Variants in ADAM28 observed in about 807,000 individuals in gnomAD.
ADAM28 encodes ADAM metallopeptidase domain 28.
A neutral mutation model predicts 101.2 loss-of-function variants in ADAM28; 105 were observed. The ratio of observed to expected loss-of-function variants is 1.04; its 90% CI spans 0.89 to 1.22. ADAM28 has a LOEUF of 1.22. Ranked by LOEUF, ADAM28 falls within the 50% of genes most tolerant of loss-of-function variation. ADAM28 has a pLI of 0.00. For missense variants in ADAM28, 1,028 were observed against 945.4 expected, an observed-to-expected ratio of 1.09 and a Z score of -1.15; for synonymous variants, 322 against 310.6, an observed-to-expected ratio of 1.04 and a Z score of -0.39.
At chr8:24,334,208 G>A (rs1813719596) in intron 13 of ADAM28, among the ~76,000 whole-genome samples, 1 of 152,122 alleles carries the variant, frequency 6.6e-6, no homozygotes, top group South Asian at 2.1e-4. Context: ...GTGATTCAAT[G>A]GCCTTGTAGA....
At chr8:24,344,326 G>A (rs533014048) in intron 18 of ADAM28, among the ~76,000 whole-genome samples, 1 of 152,202 alleles carries the variant, frequency 6.6e-6, no homozygotes, top group South Asian at 2.1e-4. Context: ...TCTCATTGAC[G>A]CTCCCCTCTC....
chr8:24,315,046 A>G (rs993505059), intron 6 of ADAM28, among the ~76,000 whole-genome samples: 4 of 151,878 alleles, frequency 2.6e-5, no homozygotes, highest in Non-Finnish European at 5.9e-5. Flanking sequence ...AAAGAAATCT[A>G]TAAAACAAAA....
intron 1 of ADAM28, among the ~76,000 whole-genome samples, chr8:24,295,111 T>G (rs541339419): frequency 6.6e-6 from 1 of 152,316 alleles, no homozygotes; most frequent in East Asian, 1.9e-4. Context: ...CTCTTAGTAC[T>G]TTGTTGCTAA....
At chr8:24,298,850 A>T (rs1204510293) in intron 1 of ADAM28, among the ~76,000 whole-genome samples, 1 of 152,134 alleles carries the variant, frequency 6.6e-6, no homozygotes, top group Non-Finnish European at 1.5e-5. Flanking sequence ...TCAAAAAGAA[A>T]ATAGAAAATC....
intron 17 of ADAM28, 77 bp from the exon 18 acceptor site, chr8:24,343,429 A>T: frequency 6.9e-7 from 1 of 1,441,010 alleles, no homozygotes; most frequent in East Asian, 2.3e-5. Context: ...TTCTGCATGA[A>T]CTTTATTATG....
At position 24,355,582 on chromosome 8, in the gene ADAM28, C is replaced by T. The variant is rs1017176856; in HGVS notation, c.*1178C>T. The T allele has an allele frequency of 1.3e-5, 2 of 151,058 alleles. No individual in the cohort carries two copies. Among genetic ancestry groups the T allele is most frequent in the South Asian group, 2.1e-4 (1 of 4,742 alleles). The allele number at this position is 151,058 out of a possible 1,614,324, so 9.4% of individuals were successfully genotyped here. A position where few individuals can be genotyped will look rare whatever the true frequency, so the allele number is the denominator to read the frequency against. ...ACAACACTTCTGGAAAATTTTTCCT[C>T]GTCTCTTTTTCTGGATATGGGCATC... On this transcript the variant is annotated 3_prime_UTR_variant, in exon 23 of 23. Coordinates refer to ENST00000265769, the MANE Select transcript of ADAM28 (RefSeq NM_014265.6).
chr8:24,323,332 A>G (rs1812127564), intron 8 of ADAM28, among the ~76,000 whole-genome samples: 1 of 151,998 alleles, frequency 6.6e-6, no homozygotes, highest in Non-Finnish European at 1.5e-5. Context: ...TTTGGGGGAC[A>G]CAAACATTCA....
chr8:24,356,917 A>AAAAG lies in ADAM28; in HGVS notation c.*2518_*2521dup, dbSNP rs1816724264. 1 of 152,198 alleles carries AAAAG rather than the reference A, an allele frequency of 6.6e-6. No homozygotes were observed. Among genetic ancestry groups the AAAAG allele is most frequent in the African/African-American group, 2.4e-5 (1 of 41,458 alleles). The allele number at this position is 152,198 out of a possible 1,614,324, so 9.4% of individuals were successfully genotyped here. On this transcript the variant is annotated 3_prime_UTR_variant, in exon 23 of 23. Coordinates refer to ENST00000265769, the MANE Select transcript of ADAM28 (RefSeq NM_014265.6). ...TTTATAAAATAATGAAGTATGCATG[A>AAAAG]AAAGAAAGCAAATTTTAGTTGGTTG...
At position 24,336,038 on chromosome 8, in the gene ADAM28, G is replaced by A. The variant is rs192826505; in HGVS notation, c.1567+397G>A. 9.5e-5 allele frequency: 95 copies of A among 1,001,326 alleles called. No homozygotes were observed. The East Asian group carries it at 3.6e-3, about 38-fold the overall frequency. The allele number at this position is 1,001,326 out of a possible 1,614,324, so 62.0% of individuals were successfully genotyped here. A position where few individuals can be genotyped will look rare whatever the true frequency, so the allele number is the denominator to read the frequency against. On this transcript the variant is annotated intron_variant, in intron 14 of 22. Coordinates refer to ENST00000265769, the MANE Select transcript of ADAM28 (RefSeq NM_014265.6). ...AACCCTTGGAAATCTGTGTGTGTGC[G>A]GGTGTGTGTGTGTGTGTGTGTGCAG...
In ADAM28 at chr8:24,331,355, C is replaced by T. The variant is rs374235081; in HGVS notation, c.1281+28C>T. On this transcript the variant is annotated intron_variant, in intron 12 of 22. Coordinates refer to ENST00000265769, the MANE Select transcript of ADAM28 (RefSeq NM_014265.6). ...ATGGCCAATCACTTTCTAAAACGAT[C>T]TAGTTGGTTTTTCAGTTGCTAAGAA... is the stretch of plus-strand genomic sequence containing the variant. 115 of 1,565,334 alleles carry T rather than the reference C, an allele frequency of 7.3e-5. 1 individual carries two copies. In the African/African-American group the frequency reaches 1.5e-3, roughly 20 times the overall value.
intron 9 of ADAM28, chr8:24,325,070 C>A (rs1411211532): frequency 6.6e-6 from 1 of 151,906 alleles, no homozygotes; most frequent in African/African-American, 2.4e-5. Flanking sequence ...GCAGCCGACA[C>A]AATTTCTTAA....
At chr8:24,313,633 C>T in intron 6 of ADAM28, 53 bp downstream of exon 6, 1 of 1,551,816 alleles carries the variant, frequency 6.4e-7, no homozygotes. Context: ...GCCCTGGTTT[C>T]CAGAATTAGC....
rs576003114 is a variant in ADAM28, at chr8:24,343,091, T to G, written c.1831-10T>G. On this transcript the variant is annotated splice_polypyrimidine_tract_variant and intron_variant, in intron 16 of 22. Coordinates refer to ENST00000265769, the MANE Select transcript of ADAM28 (RefSeq NM_014265.6). ...AAGATGAAGCTTCATGTTTTCTACA[T>G]CACTTTCAGGTTTGCATTAATGCAG... 6.8e-6 allele frequency: 11 copies of G among 1,613,516 alleles called. No individual in the cohort carries two copies. The highest frequency in any genetic ancestry group is 1.3e-5 in the African/African-American group (1 of 74,890).
In ADAM28 at chr8:24,294,167, G is replaced by A; in HGVS notation, c.18G>A (p.Leu6=). Residue 6 remains leucine (L), a synonymous_variant, in exon 1 of 23, where the codon CTG becomes CTA. Transcript: ENST00000265769. ...CACCCAGCATGTTGCAAGGTCTCCT[G>A]CCAGTCAGTCTCCTCCTCTCTGTTG... is the stretch of plus-strand genomic sequence containing the variant. MLQGL[L]PVSLLLSVAV... 1 of 1,614,136 alleles carries A rather than the reference G, an allele frequency of 6.2e-7. No individual in the cohort carries two copies. The highest frequency in any genetic ancestry group is 8.5e-7 in the Non-Finnish European group (1 of 1,180,004).
chr8:24,295,469 GT>G (rs33942623), intron 1 of ADAM28, among the ~76,000 whole-genome samples: 10,065 of 152,106 alleles, frequency 0.066, 545 homozygotes, highest in African/African-American at 0.15. Flanking sequence ...TAATAGAAAT[GT>G]TTTTTTCTCT....
intron 13 of ADAM28, among the ~76,000 whole-genome samples, chr8:24,333,375 ATTTG>A (rs1813619239): frequency 6.6e-6 from 1 of 152,198 alleles, no homozygotes; most frequent in Non-Finnish European, 1.5e-5. Flanking sequence ...CGATACATCA[ATTTG>A]TTTGACTGTA....
At chr8:24,330,182 A>G in intron 11 of ADAM28, 67 bp downstream of exon 11, 4 of 1,499,642 alleles carry the variant, frequency 2.7e-6, no homozygotes, top group Non-Finnish European at 3.6e-6. Context: ...GGGCTGTACT[A>G]CTTTAGGTCA....
rs564393241 is a variant in ADAM28, at chr8:24,324,381, A to G, written c.890+378A>G. ...ATATTCTAACTCCACATCTTCACTA[A>G]TTTATTTCCCACTGAAATGACCTGT... On this transcript the variant is annotated intron_variant, in intron 9 of 22. Transcript: ENST00000265769. Among the ~76,000 whole-genome samples the G allele has an allele frequency of 7.7e-4, 117 of 152,100 alleles. 2 individuals carry two copies. In the South Asian group the frequency reaches 0.024, roughly 31 times the overall value.
Position 24,358,735 on chromosome 8 carries a change from A to G in ADAM28, c.*4331A>G, listed in dbSNP as rs1816836184. The G allele has an allele frequency of 6.6e-6, 1 of 152,184 alleles. No individual in the cohort carries two copies. Among genetic ancestry groups the G allele is most frequent in the Non-Finnish European group, 1.5e-5 (1 of 68,032 alleles). 9.4% of individuals were successfully genotyped at this position (152,184 alleles called of 1,614,324 possible). ...TTACTGTTAGTAGTATGCTAAGCGA[A>G]TACTATTGTTATAAAAAAAATCCTA... On this transcript the variant is annotated 3_prime_UTR_variant, in exon 23 of 23. Coordinates refer to ENST00000265769, the MANE Select transcript of ADAM28 (RefSeq NM_014265.6).
Sources: allele counts gnomAD v4.1 joint callset (sites outside exome capture counted in the v4.1 genomes callset), GRCh38; gene constraint gnomAD v4.1.1; transcripts MANE v1.5; gene names NCBI Gene and HGNC (gene_info 2026-07-23, HGNC 2026-07-21).